The following ZNF385B variants were observed in gnomAD, a reference collection of about 807,000 sequenced individuals.
The protein encoded by ZNF385B is zinc finger protein 385B.
In ZNF385B, 23 loss-of-function variants were observed where a neutral mutation model predicts 39.2. The observed-to-expected ratio is 0.59, with a 90% CI of 0.42 to 0.83. The LOEUF is 0.83. Among genes scored for constraint, ZNF385B ranks in the 40% least tolerant of loss-of-function variants. The pLI, the probability that ZNF385B is intolerant of heterozygous loss-of-function variation, is 0.00. For synonymous variants in ZNF385B, 205 were observed against 222.6 expected, an observed-to-expected ratio of 0.92 and a Z score of 0.70; for missense variants, 552 against 598.9, an observed-to-expected ratio of 0.92 and a Z score of 0.82.
intron 1 of ZNF385B, among the ~76,000 whole-genome samples, chr2:179,838,991 T>C (rs1396928395): frequency 6.6e-6 from 1 of 151,926 alleles, no homozygotes; most frequent in Non-Finnish European, 1.5e-5. Flanking sequence ...GCACTATATA[T>C]TCTGTCTTAA....
chr2:179,498,331 A>G (rs1267555516), intron 5 of ZNF385B, among the ~76,000 whole-genome samples: 3 of 152,048 alleles, frequency 2.0e-5, no homozygotes, highest in Non-Finnish European at 2.9e-5. Flanking sequence ...CTACATATAG[A>G]CCAAATGGGC....
At chr2:179,679,113 T>C (rs1281150102) in intron 3 of ZNF385B, among the ~76,000 whole-genome samples, 1 of 152,132 alleles carries the variant, frequency 6.6e-6, no homozygotes, top group East Asian at 1.9e-4. Flanking sequence ...TACCACATAA[T>C]GACATTTCAG....
chr2:179,522,597 C>G (rs889247911), intron 4 of ZNF385B, among the ~76,000 whole-genome samples: 2 of 152,130 alleles, frequency 1.3e-5, no homozygotes, highest in Non-Finnish European at 2.9e-5. Context: ...AACTACATAA[C>G]AAATTCTGAT....
At chr2:179,591,227 T>C (rs944337131) in intron 3 of ZNF385B, among the ~76,000 whole-genome samples, 3 of 152,206 alleles carry the variant, frequency 2.0e-5, no homozygotes, top group African/African-American at 7.2e-5. Context: ...TTCATATGAT[T>C]ACAAACGTTC....
At chr2:179,525,284 A>T (rs2058819936) in intron 4 of ZNF385B, among the ~76,000 whole-genome samples, 1 of 152,186 alleles carries the variant, frequency 6.6e-6, no homozygotes, top group South Asian at 2.1e-4. Context: ...GTGCTTAAGG[A>T]AAAGTTTTCT....
intron 1 of ZNF385B, among the ~76,000 whole-genome samples, chr2:179,795,992 T>C (rs1182799305): frequency 6.6e-6 from 1 of 152,116 alleles, no homozygotes; most frequent in Non-Finnish European, 1.5e-5. Context: ...CTTTTTTCCA[T>C]GAAACAGAAA....
intron 3 of ZNF385B, among the ~76,000 whole-genome samples, chr2:179,632,023 A>G (rs1044955228): frequency 2.6e-5 from 4 of 152,262 alleles, no homozygotes; most frequent in African/African-American, 9.6e-5. Context: ...ACCCATTTCA[A>G]GAGCACCCAG....
chr2:179,481,377 C>A (rs186121065), intron 6 of ZNF385B, among the ~76,000 whole-genome samples: 1 of 147,222 alleles, frequency 6.8e-6, no homozygotes, highest in East Asian at 2.1e-4. Context: ...TTTATCTCCT[C>A]ATCTTTGACT....
chr2:179,474,985 G>A (rs1303088210), intron 6 of ZNF385B, among the ~76,000 whole-genome samples: 1 of 152,110 alleles, frequency 6.6e-6, no homozygotes, highest in Non-Finnish European at 1.5e-5. Context: ...TAGAAAAGAG[G>A]GGCTCAGAGA....
intron 4 of ZNF385B, among the ~76,000 whole-genome samples, chr2:179,526,441 C>T (rs1311159343): frequency 6.6e-6 from 1 of 151,092 alleles, no homozygotes; most frequent in Non-Finnish European, 1.5e-5. Flanking sequence ...AAAAAAAATA[C>T]AGAATTAGCC....
intron 3 of ZNF385B, among the ~76,000 whole-genome samples, chr2:179,706,766 G>A (rs1485191190): frequency 6.6e-6 from 1 of 152,228 alleles, no homozygotes; most frequent in Non-Finnish European, 1.5e-5. Context: ...CTGAAGCTGA[G>A]CTTGCAGCAT....
intron 4 of ZNF385B, among the ~76,000 whole-genome samples, chr2:179,528,648 C>T (rs1262041202): frequency 6.6e-6 from 1 of 152,096 alleles, no homozygotes; most frequent in East Asian, 1.9e-4. Flanking sequence ...GTAATGCTTT[C>T]GACAGATAAC....
At chr2:179,461,052 G>A (rs2051275008) in intron 6 of ZNF385B, among the ~76,000 whole-genome samples, 1 of 152,208 alleles carries the variant, frequency 6.6e-6, no homozygotes, top group South Asian at 2.1e-4. Flanking sequence ...GAGAAAGAGT[G>A]TTCCAGGAAG....
intron 3 of ZNF385B, among the ~76,000 whole-genome samples, chr2:179,760,893 T>C (rs1440019668): frequency 2.0e-5 from 3 of 152,192 alleles, no homozygotes; most frequent in African/African-American, 7.2e-5. Flanking sequence ...AATCTATAAT[T>C]CACTTTGAGT....
At chr2:179,859,486 C>T (rs1684869574) in intron 1 of ZNF385B, among the ~76,000 whole-genome samples, 1 of 152,008 alleles carries the variant, frequency 6.6e-6, no homozygotes, top group South Asian at 2.1e-4. Context: ...ATTGTATCAC[C>T]AAGATGATTC....
chr2:179,624,592 G>C (rs1354518132), intron 3 of ZNF385B, among the ~76,000 whole-genome samples: 1 of 152,182 alleles, frequency 6.6e-6, no homozygotes, highest in Non-Finnish European at 1.5e-5. Context: ...CTAGAGAAGA[G>C]ATAAAGCAAA....
chr2:179,612,429 T>G (rs1417209265), intron 3 of ZNF385B, among the ~76,000 whole-genome samples: 4 of 152,094 alleles, frequency 2.6e-5, no homozygotes, highest in Non-Finnish European at 5.9e-5. Context: ...CTCTGCAGCC[T>G]GTCTGAATTA....
At chr2:179,842,314 A>G (rs1174946993) in intron 1 of ZNF385B, among the ~76,000 whole-genome samples, 1 of 152,126 alleles carries the variant, frequency 6.6e-6, no homozygotes, top group Non-Finnish European at 1.5e-5. Flanking sequence ...CTAAAAATAA[A>G]GTTATTTTTA....
At chr2:179,484,004 C>G (rs1179007462) in intron 5 of ZNF385B, among the ~76,000 whole-genome samples, 7 of 152,138 alleles carry the variant, frequency 4.6e-5, no homozygotes, top group African/African-American at 1.7e-4. Context: ...GTTACAAGAA[C>G]AGATAATGTA....
Sources: gnomAD v4.1 joint callset for allele counts (sites outside exome capture counted in the v4.1 genomes callset) on GRCh38, gnomAD v4.1.1 for gene constraint, MANE v1.5 for transcripts, NCBI Gene and HGNC (gene_info 2026-07-23, HGNC 2026-07-21) for gene names.